Variants in POMGNT2 observed in about 807,000 individuals in gnomAD.
POMGNT2 encodes the protein protein O-linked mannose N-acetylglucosaminyltransferase 2 (beta 1,4-).
Under a neutral mutation model 37.8 loss-of-function variants are expected in POMGNT2, and 32 were observed. The observed-to-expected ratio is 0.85, with a 90% CI of 0.64 to 1.14. The LOEUF (loss-of-function observed/expected upper bound fraction) is 1.14, where lower values mean the gene tolerates loss of function less well. POMGNT2 is among the 50% of genes most tolerant of loss of function. The pLI is 0.00. For missense variants in POMGNT2, 705 were observed against 780.6 expected (o/e 0.90, Z 1.15); for synonymous variants, 340 against 336.8 (o/e 1.01, Z -0.10).
intron 1 of POMGNT2, among the ~76,000 whole-genome samples, chr3:43,096,853 A>G (rs944272644): frequency 3.9e-5 from 6 of 152,236 alleles, no homozygotes; most frequent in Admixed American, 1.3e-4. Context: ...GGAAGCTACC[A>G]ATTCACTCCC....
chr3:43,088,277 G>A (rs921500760), intron 1 of POMGNT2, among the ~76,000 whole-genome samples: 6 of 152,310 alleles, frequency 3.9e-5, no homozygotes, highest in Non-Finnish European at 4.4e-5. Context: ...TGAAACAAAG[G>A]ATTTTATAGC....
At chr3:43,091,223 C>T (rs1303133000) in intron 1 of POMGNT2, among the ~76,000 whole-genome samples, 2 of 151,034 alleles carry the variant, frequency 1.3e-5, no homozygotes, top group East Asian at 3.9e-4. Context: ...AGGGAAAGTA[C>T]AAGACAAGCT....
In POMGNT2 at chr3:43,080,574, C is replaced by T; in HGVS notation, c.858G>A (p.Glu286=). 6.2e-7 allele frequency: 1 copy of T among 1,614,206 alleles called. No individual in the cohort carries two copies. Among genetic ancestry groups the T allele is most frequent in the Non-Finnish European group, 8.5e-7 (1 of 1,180,038 alleles). Residue 286 remains glutamate (E), a synonymous_variant, in exon 2 of 2, where the codon GAG becomes GAA. Coordinates refer to ENST00000344697, the MANE Select transcript of POMGNT2 (RefSeq NM_032806.6). ...NVSHTGVPLG[E]EYILVFSRTQ... is the part of the protein sequence containing the mutation. ...TTCGGCTAAAGACCAGAATGTACTC[C>T]TCGCCTAGGGGGACTCCTGTGTGGC...
At chr3:43,105,098 G>A (rs1450173193) in intron 1 of POMGNT2, among the ~76,000 whole-genome samples, 2 of 152,224 alleles carry the variant, frequency 1.3e-5, no homozygotes, top group African/African-American at 2.4e-5. Flanking sequence ...TACGCTCTAA[G>A]TGTTGGCTGG....
rs759550913 is a variant in POMGNT2, at chr3:43,079,911, C to T, written c.1521G>A (p.Gln507=). Residue 507 remains glutamine (Q), a synonymous_variant, in exon 2 of 2, where the codon CAG becomes CAA. Coordinates refer to ENST00000344697, the MANE Select transcript of POMGNT2 (RefSeq NM_032806.6). ...ASEARLTVSW[Q]IPWNLKYLKV... ...TCAGGTATTTAAGGTTCCATGGGAT[C>T]TGCCAGGAGACAGTGAGGCGGGCCT... 3 of 1,614,142 alleles carry T rather than the reference C, an allele frequency of 1.9e-6. No homozygotes were observed. The highest frequency in any genetic ancestry group is 2.5e-6 in the Non-Finnish European group (3 of 1,180,002).
In POMGNT2 at chr3:43,080,982, T is replaced by C. The variant is rs142190930; in HGVS notation, c.450A>G (p.Pro150=). The change falls in exon 2 of 2, where the codon CCA becomes CCG. Residue 150 remains proline (P), a synonymous_variant. Coordinates refer to ENST00000344697, the MANE Select transcript of POMGNT2 (RefSeq NM_032806.6). ...LRFMPKPVFV[P]DVALIANRFN... is the part of the protein sequence containing the mutation. ...AGCGGTTGGCGATGAGGGCCACGTC[T>C]GGCACGAACACCGGCTTGGGCATGA... 682 of 1,614,202 alleles carry C rather than the reference T, an allele frequency of 4.2e-4. 5 individuals are homozygous for C. In the African/African-American group the frequency reaches 8.4e-3, roughly 20 times the overall value.
chr3:43,104,728 C>A (rs1371518430), intron 1 of POMGNT2, among the ~76,000 whole-genome samples: 1 of 152,194 alleles, frequency 6.6e-6, no homozygotes, highest in Non-Finnish European at 1.5e-5. Flanking sequence ...GCACCTCTAA[C>A]ACTTTCTGTC....
chr3:43,079,975 C>T lies in POMGNT2; in HGVS notation c.1457G>A (p.Arg486Gln), dbSNP rs770439944. 2.5e-5 allele frequency: 41 copies of T among 1,613,844 alleles called. No individual in the cohort carries two copies. Among genetic ancestry groups the T allele is most frequent in the Middle Eastern group, 1.6e-4 (1 of 6,084 alleles). ...WTVGLYPGKVREARCQASVHG... is the reference protein window; with the variant it reads ...WTVGLYPGKVQEARCQASVHG... Reference sequence around the variant, plus strand: ...CACTGACGCCTGGCACCGTGCCTCCCGCACCTTGCCTGGATATAGGCCGAC... The same window carrying T: ...CACTGACGCCTGGCACCGTGCCTCCTGCACCTTGCCTGGATATAGGCCGAC... Residue 486 changes from arginine (R) to glutamine (Q), a missense_variant, in exon 2 of 2, where the codon CGG (arginine) becomes CAG (glutamine). Physicochemically the swap from Arg to Gln is conservative, Grantham distance 43. Coordinates refer to ENST00000344697, the MANE Select transcript of POMGNT2 (RefSeq NM_032806.6).
chr3:43,104,053 C>T (rs2090039086), intron 1 of POMGNT2, among the ~76,000 whole-genome samples: 1 of 152,150 alleles, frequency 6.6e-6, no homozygotes, highest in Non-Finnish European at 1.5e-5. Flanking sequence ...CTCATTTATT[C>T]CCCACTACCT....
intron 1 of POMGNT2, among the ~76,000 whole-genome samples, chr3:43,097,318 C>T (rs1249479409): frequency 1.3e-5 from 2 of 152,166 alleles, no homozygotes; most frequent in East Asian, 1.9e-4. Context: ...GGAAAGCAGC[C>T]TGGTGGTACC....
chr3:43,084,824 A>G (rs1254141815), intron 1 of POMGNT2, among the ~76,000 whole-genome samples: 1 of 152,090 alleles, frequency 6.6e-6, no homozygotes, highest in Non-Finnish European at 1.5e-5. Context: ...AGTAATTTTA[A>G]AATTCTGCTT....
chr3:43,095,100 A>T (rs1368912579), intron 1 of POMGNT2, among the ~76,000 whole-genome samples: 2 of 151,706 alleles, frequency 1.3e-5, no homozygotes, highest in Non-Finnish European at 2.9e-5. Flanking sequence ...TCCATTTTCC[A>T]TCCAGAGAGA....
At chr3:43,104,285 G>A (rs79128552) in intron 1 of POMGNT2, among the ~76,000 whole-genome samples, 2,672 of 152,318 alleles carry the variant, frequency 0.018, 84 homozygotes, top group African/African-American at 0.061. Flanking sequence ...GTCCTGGGGG[G>A]AAAGTATCCC....
intron 1 of POMGNT2, among the ~76,000 whole-genome samples, chr3:43,086,613 T>A (rs1210079049): frequency 6.6e-6 from 1 of 152,192 alleles, no homozygotes; most frequent in African/African-American, 2.4e-5. Context: ...CTGCAGAACT[T>A]CAGATCAGGT....
chr3:43,080,490 G>A lies in POMGNT2; in HGVS notation c.942C>T (p.Phe314=). 1.2e-6 allele frequency: 2 copies of A among 1,614,196 alleles called. No individual in the cohort carries two copies. Among genetic ancestry groups the A allele is most frequent in the African/African-American group, 2.7e-5 (2 of 75,040 alleles). Residue 314 remains phenylalanine, a synonymous_variant, in exon 2 of 2, where the codon TTC becomes TTT. Transcript: ENST00000344697. ...AELLLALAQE[F]QMKTVTVSLE... is the part of the protein sequence containing the mutation. ...GGGACACTGTCACTGTCTTCATCTG[G>A]AACTCCTGGGCCAGTGCCAGCAGCA... is the stretch of plus-strand genomic sequence containing the variant.
At chr3:43,084,913 C>T (rs493412) in intron 1 of POMGNT2, among the ~76,000 whole-genome samples, 89,018 of 151,662 alleles carry the variant, frequency 0.59, 26,361 homozygotes, top group Admixed American at 0.67. Context: ...CTGGACATTT[C>T]GGTCATAATG....
rs17470330 is a variant in POMGNT2, at chr3:43,098,498, C to T, written c.-106+7338G>A. ...CAGGTTTTCTGACCAAGGTATTTAT[C>T]CTTTGGCAAAATCTTGGCAGTCTGA... On this transcript the variant is annotated intron_variant, in intron 1 of 1. Coordinates refer to ENST00000344697, the MANE Select transcript of POMGNT2 (RefSeq NM_032806.6). This position sits in a 1 kb window ranked among gnomAD's most constrained non-coding sequence, Gnocchi z 4.3. 0.019 allele frequency among the ~76,000 whole-genome samples: 2,932 copies of T among 152,270 alleles called. 39 individuals are homozygous for T. The highest frequency in any genetic ancestry group is 0.03 in the Non-Finnish European group (2,033 of 68,020).
intron 1 of POMGNT2, among the ~76,000 whole-genome samples, chr3:43,082,957 A>C (rs970933238): frequency 6.6e-6 from 1 of 152,190 alleles, no homozygotes; most frequent in Non-Finnish European, 1.5e-5. Flanking sequence ...AGTTAATGCC[A>C]TGTGTAGCCT....
At chr3:43,086,931 T>C (rs1287873762) in intron 1 of POMGNT2, among the ~76,000 whole-genome samples, 1 of 152,170 alleles carries the variant, frequency 6.6e-6, no homozygotes, top group Non-Finnish European at 1.5e-5. Context: ...ATAAGAATCT[T>C]GAAATGAGAT....
Sources: allele counts gnomAD v4.1 joint callset (sites outside exome capture counted in the v4.1 genomes callset), GRCh38; gene constraint gnomAD v4.1.1; non-coding constraint Gnocchi (gnomAD v3.1); transcripts MANE v1.5; gene names NCBI Gene and HGNC (gene_info 2026-07-23, HGNC 2026-07-21).